SPOCK3: variants seen among roughly 807,000 people sequenced by gnomAD.
SPOCK3 encodes the protein testican-3.
Under a neutral mutation model 56.6 loss-of-function variants are expected in SPOCK3, and 30 were observed. The ratio of observed to expected loss-of-function variants is 0.53; its 90% CI spans 0.40 to 0.72. The LOEUF (loss-of-function observed/expected upper bound fraction) is 0.72, where lower values mean the gene tolerates loss of function less well. Ranked by LOEUF, SPOCK3 falls within the 30% of genes least tolerant of loss-of-function variation. SPOCK3 has a pLI of 0.00. For missense variants in SPOCK3, 527 were observed against 530.0 expected, an observed-to-expected ratio of 0.99 and a Z score of 0.06; for synonymous variants, 196 against 183.3, an observed-to-expected ratio of 1.07 and a Z score of -0.56.
intron 6 of SPOCK3, among the ~76,000 whole-genome samples, chr4:166,851,602 C>G (rs1166766660): frequency 1.3e-5 from 2 of 152,128 alleles, no homozygotes; most frequent in African/African-American, 4.8e-5. Context: ...ACTAGAATAA[C>G]CAATACAGAG....
At chr4:167,088,299 T>C (rs928416793) in intron 2 of SPOCK3, among the ~76,000 whole-genome samples, 11 of 152,114 alleles carry the variant, frequency 7.2e-5, no homozygotes, top group African/African-American at 2.7e-4. Context: ...AGGTTTCAGA[T>C]GATGCTGATG....
chr4:166,869,747 T>C (rs1338734709), intron 6 of SPOCK3, among the ~76,000 whole-genome samples: 1 of 151,980 alleles, frequency 6.6e-6, no homozygotes, highest in East Asian at 1.9e-4. Context: ...ACTGACTCTT[T>C]TGGCACCCTT....
chr4:166,784,017 ATG>A (rs1740469277), intron 7 of SPOCK3, among the ~76,000 whole-genome samples: 1 of 151,954 alleles, frequency 6.6e-6, no homozygotes, highest in South Asian at 2.1e-4. Context: ...GATAGTTCAG[ATG>A]ACTGGCTAAA....
chr4:167,216,786 T>C (rs1377215473), intron 2 of SPOCK3, among the ~76,000 whole-genome samples: 2 of 152,092 alleles, frequency 1.3e-5, no homozygotes, highest in African/African-American at 4.8e-5. Context: ...TCTAAGTATT[T>C]TCTGAAAAAG....
Position 167,042,628 on chromosome 4 carries a change from A to C in SPOCK3, c.235+19864T>G, listed in dbSNP as rs547860833. Among the ~76,000 whole-genome samples the C allele has an allele frequency of 7.2e-5, 11 of 152,074 alleles. No individual in the cohort carries two copies. In the South Asian group the frequency reaches 2.3e-3, roughly 31 times the overall value. On this transcript the variant is annotated intron_variant, in intron 3 of 10. Transcript: ENST00000357545. Reference sequence around the variant, plus strand: ...TGTGGAAGAAAAGAGAAACCTGAAAAGTAATTCATATTTAGGACAGTTTTA... The same window carrying C: ...TGTGGAAGAAAAGAGAAACCTGAAACGTAATTCATATTTAGGACAGTTTTA...
At chr4:167,109,064 AT>A (rs1263192197) in intron 2 of SPOCK3, among the ~76,000 whole-genome samples, 3 of 58 alleles carry the variant, frequency 0.052, 1 homozygote, top group Non-Finnish European at 0.079. Flanking sequence ...ATATATAAAT[AT>A]TATATATTTA....
chr4:167,211,942 C>G (rs1262752789), intron 2 of SPOCK3, among the ~76,000 whole-genome samples: 1 of 152,188 alleles, frequency 6.6e-6, no homozygotes, highest in Non-Finnish European at 1.5e-5. Context: ...ATTTGCATTA[C>G]TATTTACCAA....
intron 2 of SPOCK3, chr4:167,119,848 C>G (rs1302010571): frequency 1.3e-6 from 2 of 1,530,966 alleles, no homozygotes; most frequent in South Asian, 1.2e-5. Flanking sequence ...TCACTACTGT[C>G]CTGTCAAATA....
chr4:167,189,573 A>G (rs1343350916), intron 2 of SPOCK3, among the ~76,000 whole-genome samples: 1 of 145,516 alleles, frequency 6.9e-6, no homozygotes, highest in East Asian at 2.1e-4. Flanking sequence ...TGATATGCCA[A>G]AACCAAGTTA....
At chr4:167,144,761 G>C (rs1643998469) in intron 2 of SPOCK3, among the ~76,000 whole-genome samples, 1 of 116,992 alleles carries the variant, frequency 8.5e-6, no homozygotes, top group African/African-American at 3.0e-5. Context: ...AAACACAAGT[G>C]CAATTAATCT....
chr4:167,009,618 C>T (rs560070374), intron 3 of SPOCK3, among the ~76,000 whole-genome samples: 1 of 152,002 alleles, frequency 6.6e-6, no homozygotes, highest in East Asian at 1.9e-4. Context: ...ATACAGAACC[C>T]TCACAATACC....
chr4:166,995,511 A>G (rs1748271569), intron 4 of SPOCK3, among the ~76,000 whole-genome samples: 1 of 152,032 alleles, frequency 6.6e-6, no homozygotes, highest in Admixed American at 6.6e-5. Context: ...GAAAAAATGT[A>G]TATATAAACA....
intron 2 of SPOCK3, among the ~76,000 whole-genome samples, chr4:167,159,119 T>C (rs1480163205): frequency 6.6e-6 from 1 of 151,980 alleles, no homozygotes; most frequent in Admixed American, 6.6e-5. Flanking sequence ...TCCTTTATAA[T>C]CTGAGGTAAG....
At chr4:166,896,124 A>T (rs1579569198) in intron 5 of SPOCK3, among the ~76,000 whole-genome samples, 1 of 152,312 alleles carries the variant, frequency 6.6e-6, no homozygotes, top group Non-Finnish European at 1.5e-5. Flanking sequence ...GAGTATAAAA[A>T]GGAAGAAACA....
chr4:166,952,684 T>C (rs565139628), intron 4 of SPOCK3, among the ~76,000 whole-genome samples: 194 of 152,234 alleles, frequency 1.3e-3, no homozygotes, highest in Non-Finnish European at 2.3e-3. Context: ...CTTCAAACGA[T>C]ACTACAAGGC....
intron 6 of SPOCK3, among the ~76,000 whole-genome samples, chr4:166,794,633 T>C (rs959340470): frequency 4.6e-5 from 7 of 150,574 alleles, no homozygotes; most frequent in African/African-American, 1.5e-4. Context: ...TTTTTTTTCT[T>C]TCTTTCTTTC....
intron 6 of SPOCK3, among the ~76,000 whole-genome samples, chr4:166,869,156 G>A (rs1023891011): frequency 5.3e-5 from 7 of 131,288 alleles, no homozygotes; most frequent in African/African-American, 7.8e-5. Context: ...GGACTCTCTG[G>A]TGCCTGATCT....
At chr4:166,737,695 T>C (rs1461355579) in intron 9 of SPOCK3, 91 bp from the exon 10 acceptor site, 8 of 1,371,312 alleles carry the variant, frequency 5.8e-6, no homozygotes, top group Non-Finnish European at 7.9e-6. Flanking sequence ...TATGCATTAA[T>C]GCATTAAAGA....
At chr4:166,925,827 A>G (rs1413474980) in intron 4 of SPOCK3, among the ~76,000 whole-genome samples, 1 of 152,178 alleles carries the variant, frequency 6.6e-6, no homozygotes, top group Non-Finnish European at 1.5e-5. Context: ...GAATTTCCCA[A>G]TGTGCAAAGT....
Sources: allele counts gnomAD v4.1 joint callset (sites outside exome capture counted in the v4.1 genomes callset), GRCh38; gene constraint gnomAD v4.1.1; transcripts MANE v1.5; gene names NCBI Gene and HGNC (gene_info 2026-07-23, HGNC 2026-07-21).